The following NALF1 variants were observed in gnomAD, a reference collection of about 807,000 sequenced individuals.
The protein encoded by NALF1 is family with sequence similarity 155 member A.
In NALF1, 3 loss-of-function variants were observed where a neutral mutation model predicts 48.4. The observed-to-expected ratio is 0.06, with a 90% CI of 0.03 to 0.16. The LOEUF (loss-of-function observed/expected upper bound fraction) is 0.16, where lower values mean the gene tolerates loss of function less well. NALF1 is among the 10% of genes least tolerant of loss of function. The pLI is 1.00. For synonymous variants in NALF1, 262 were observed against 245.7 expected (o/e 1.07, Z -0.62); for missense variants, 526 against 571.5 (o/e 0.92, Z 0.81).
intron 1 of NALF1, among the ~76,000 whole-genome samples, chr13:107,293,197 C>G (rs919776558): frequency 5.9e-5 from 9 of 151,640 alleles, no homozygotes; most frequent in Non-Finnish European, 4.4e-5. Context: ...AGCCAGGATG[C>G]TCTCGATCTC....
chr13:107,285,977 G>A (rs1383234062), intron 1 of NALF1, among the ~76,000 whole-genome samples: 1 of 151,934 alleles, frequency 6.6e-6, no homozygotes, highest in Non-Finnish European at 1.5e-5. Context: ...GGGAGTAAAG[G>A]GCATGAAGAA....
At chr13:107,534,731 CA>C (rs1164257232) in intron 1 of NALF1, among the ~76,000 whole-genome samples, 3 of 152,144 alleles carry the variant, frequency 2.0e-5, no homozygotes, top group African/African-American at 7.2e-5. Context: ...GTATTTCAGA[CA>C]AAACACTAAC....
intron 1 of NALF1, among the ~76,000 whole-genome samples, chr13:107,538,483 T>C (rs1035318970): frequency 3.9e-5 from 6 of 152,192 alleles, no homozygotes; most frequent in Admixed American, 3.3e-4. Flanking sequence ...TTAAATTACC[T>C]TTCAACAAGC....
At chr13:107,485,140 T>C (rs1408015) in intron 1 of NALF1, among the ~76,000 whole-genome samples, 104,461 of 151,944 alleles carry the variant, frequency 0.69, 36,771 homozygotes, top group Middle Eastern at 0.82. Flanking sequence ...CAGGGCTGCA[T>C]TTGTAACTCC....
intron 1 of NALF1, among the ~76,000 whole-genome samples, chr13:107,863,959 G>A (rs1340888228): frequency 6.6e-6 from 1 of 152,086 alleles, no homozygotes; most frequent in Non-Finnish European, 1.5e-5. Context: ...CAGGGAAGGA[G>A]GCAAATATAA....
Position 107,771,416 on chromosome 13 carries a change from TATAAA to T in NALF1, c.915+94261_915+94265del, listed in dbSNP as rs1353488350. Among the ~76,000 whole-genome samples the T allele has an allele frequency of 3.3e-5, 5 of 151,592 alleles. No individual in the cohort carries two copies. The East Asian group carries it at 7.7e-4, about 23-fold the overall frequency. On this transcript the variant is annotated intron_variant, in intron 1 of 2. Transcript: ENST00000375915. ...GCATGTCATTTTATGCATACACATA[TATAAA>T]ATATTTGTTTTGTTTTCCTTAACAG...
At chr13:107,819,509 C>G (rs1879290497) in intron 1 of NALF1, among the ~76,000 whole-genome samples, 1 of 152,180 alleles carries the variant, frequency 6.6e-6, no homozygotes, top group Non-Finnish European at 1.5e-5. Flanking sequence ...TAAACTTTGG[C>G]CAAATGAATC....
At chr13:107,443,192 C>A (rs1295282509) in intron 1 of NALF1, among the ~76,000 whole-genome samples, 1 of 151,802 alleles carries the variant, frequency 6.6e-6, no homozygotes, top group African/African-American at 2.4e-5. Flanking sequence ...ATCTATCTAT[C>A]TATCTATCTA....
intron 1 of NALF1, among the ~76,000 whole-genome samples, chr13:107,359,602 TCCTC>T (rs577637458): frequency 3.3e-5 from 5 of 151,474 alleles, no homozygotes; most frequent in South Asian, 2.1e-4. Context: ...TTCCTTCATT[TCCTC>T]CCTCCCTCCC....
At chr13:107,491,354 G>C (rs180814030) in intron 1 of NALF1, among the ~76,000 whole-genome samples, 21 of 152,302 alleles carry the variant, frequency 1.4e-4, no homozygotes, top group African/African-American at 5.1e-4. Context: ...GAATGAAAAG[G>C]AAAAAGTGAA....
At chr13:107,176,510 C>T (rs577747922) in intron 2 of NALF1, among the ~76,000 whole-genome samples, 30 of 151,708 alleles carry the variant, frequency 2.0e-4, no homozygotes, top group Middle Eastern at 3.4e-3. Flanking sequence ...GGCGTGGTGG[C>T]GGGCGCCTGT....
intron 1 of NALF1, among the ~76,000 whole-genome samples, chr13:107,307,728 C>T (rs1398221768): frequency 6.6e-6 from 1 of 151,496 alleles, no homozygotes; most frequent in Non-Finnish European, 1.5e-5. Flanking sequence ...AGTCTTAAGT[C>T]TCTACTGTTC....
intron 1 of NALF1, among the ~76,000 whole-genome samples, chr13:107,678,312 G>C (rs1881186240): frequency 6.6e-6 from 1 of 152,144 alleles, no homozygotes; most frequent in African/African-American, 2.4e-5. Context: ...ACAGGGAGGG[G>C]AGATGGGTAG....
intron 1 of NALF1, among the ~76,000 whole-genome samples, chr13:107,569,607 T>C (rs1877926144): frequency 6.6e-6 from 1 of 152,210 alleles, no homozygotes; most frequent in Admixed American, 6.5e-5. Context: ...GAGTCTATCG[T>C]TCTGTTGGGG....
At chr13:107,190,245 A>G (rs999285706) in intron 2 of NALF1, among the ~76,000 whole-genome samples, 1 of 152,188 alleles carries the variant, frequency 6.6e-6, no homozygotes, top group African/African-American at 2.4e-5. Flanking sequence ...AAGAGACAGT[A>G]TTGCTAATGC....
chr13:107,386,233 A>G (rs1204905141), intron 1 of NALF1, among the ~76,000 whole-genome samples: 4 of 152,226 alleles, frequency 2.6e-5, no homozygotes, highest in Non-Finnish European at 4.4e-5. Context: ...CTTTTCCTAT[A>G]AGTTACATTA....
At chr13:107,821,018 A>G (rs915215488) in intron 1 of NALF1, among the ~76,000 whole-genome samples, 1 of 152,214 alleles carries the variant, frequency 6.6e-6, no homozygotes, top group African/African-American at 2.4e-5. Context: ...CACGAATTCC[A>G]GTCATAATAT....
intron 1 of NALF1, among the ~76,000 whole-genome samples, chr13:107,518,336 T>C (rs910101835): frequency 2.0e-5 from 3 of 152,188 alleles, no homozygotes; most frequent in Non-Finnish European, 4.4e-5. Flanking sequence ...TGTTCACATT[T>C]AGTCTACTAA....
intron 1 of NALF1, among the ~76,000 whole-genome samples, chr13:107,601,740 AAC>A (rs546634909): frequency 6.6e-5 from 10 of 151,972 alleles, no homozygotes; most frequent in African/African-American, 1.4e-4. Context: ...TACAAAACAA[AAC>A]ACACACACAC....
Sources: allele counts gnomAD v4.1 joint callset (sites outside exome capture counted in the v4.1 genomes callset), GRCh38; gene constraint gnomAD v4.1.1; transcripts MANE v1.5; gene names NCBI Gene and HGNC (gene_info 2026-07-23, HGNC 2026-07-21).